NEDD9: variants seen among roughly 807,000 people sequenced by gnomAD.
NEDD9 encodes the protein enhancer of filamentation 1.
NEDD9 carries 26 observed loss-of-function variants against 76.6 expected under a neutral mutation model. The ratio of observed to expected loss-of-function variants is 0.34; its 90% confidence interval spans 0.25 to 0.47. The LOEUF is 0.47. Among genes scored for constraint, NEDD9 ranks in the 20% least tolerant of loss-of-function variants. The probability of loss-of-function intolerance (pLI) is 1.00; values close to 1 mark genes in which losing one functional copy is unlikely to be tolerated. For synonymous variants in NEDD9, 392 were observed against 414.2 expected, an observed-to-expected ratio of 0.95 and a Z score of 0.65; for missense variants, 937 against 1,058.5, an observed-to-expected ratio of 0.89 and a Z score of 1.59.
intron 2 of NEDD9, chr6:11,207,511 A>T (rs879610091): frequency 6.6e-6 from 1 of 152,220 alleles, no homozygotes; most frequent in Non-Finnish European, 1.5e-5. Flanking sequence ...TCCTGCCAAC[A>T]TTTGGCCGTG....
At chr6:11,258,097 C>A (rs138710887) in intron 3 of NEDD9, among the ~76,000 whole-genome samples, 5,697 of 152,320 alleles carry the variant, frequency 0.037, 162 homozygotes, top group Non-Finnish European at 0.055. Context: ...CAATTATGGA[C>A]TCTTTTCTAA....
At chr6:11,319,535 C>T (rs1761701616) in intron 2 of NEDD9, among the ~76,000 whole-genome samples, 1 of 120,282 alleles carries the variant, frequency 8.3e-6, no homozygotes, top group Non-Finnish European at 1.8e-5. Context: ...CTCACACTAA[C>T]ATGCGGACAC....
intron 3 of NEDD9, among the ~76,000 whole-genome samples, chr6:11,301,591 T>C (rs1032658546): frequency 6.6e-6 from 1 of 152,204 alleles, no homozygotes; most frequent in Non-Finnish European, 1.5e-5. Flanking sequence ...ATTGCACTTA[T>C]TCTAAAATTG....
Position 11,253,869 on chromosome 6 carries a change from G to C in NEDD9, c.13-40142C>G, listed in dbSNP as rs148202906. ...AGGCAGACAAACAAGGATACAGTGA[G>C]AAGGAGTTGCACACGTCTGGTCATT... On this transcript the variant is annotated intron_variant, in intron 3 of 3. Coordinates refer to the NEDD9 transcript ENST00000397378. Among the ~76,000 whole-genome samples, 479 of 152,278 alleles carry C rather than the reference G, an allele frequency of 3.1e-3. 2 individuals are homozygous for C. The highest frequency in any genetic ancestry group is 0.02 in the Middle Eastern group (6 of 294).
intron 1 of NEDD9, among the ~76,000 whole-genome samples, chr6:11,365,586 A>C (rs776177199): frequency 1.3e-4 from 20 of 152,230 alleles, no homozygotes; most frequent in Non-Finnish European, 2.4e-4. Context: ...ACAAGACCAA[A>C]TCCTTCCCTG....
intron 1 of NEDD9, among the ~76,000 whole-genome samples, chr6:11,353,475 G>C (rs1039641870): frequency 4.6e-5 from 7 of 152,226 alleles, no homozygotes; most frequent in African/African-American, 1.4e-4. Flanking sequence ...GCTGCTGGAA[G>C]CTGAAAGAGG....
intron 2 of NEDD9, among the ~76,000 whole-genome samples, chr6:11,326,678 G>C (rs1761935898): frequency 6.6e-6 from 1 of 152,154 alleles, no homozygotes; most frequent in African/African-American, 2.4e-5. Flanking sequence ...TGCCCCTCCT[G>C]GCCTTTGTCA....
At chr6:11,272,088 G>A (rs1348643829) in intron 3 of NEDD9, among the ~76,000 whole-genome samples, 1 of 152,116 alleles carries the variant, frequency 6.6e-6, no homozygotes, top group Non-Finnish European at 1.5e-5. Flanking sequence ...CAGAACTCGT[G>A]TGCCAACTCA....
chr6:11,380,300 A>G (rs766509455), intron 1 of NEDD9, among the ~76,000 whole-genome samples: 1 of 152,242 alleles, frequency 6.6e-6, no homozygotes, highest in Non-Finnish European at 1.5e-5. Context: ...ATGTAGTTTA[A>G]GAAATGATCC....
At chr6:11,334,327 T>A (rs1026479843) in intron 2 of NEDD9, among the ~76,000 whole-genome samples, 7 of 152,234 alleles carry the variant, frequency 4.6e-5, no homozygotes, top group Non-Finnish European at 1.0e-4. Context: ...TAATCCAAAA[T>A]TTTTTACAGT....
chr6:11,319,365 A>G (rs1467768780), intron 2 of NEDD9, among the ~76,000 whole-genome samples: 1 of 151,384 alleles, frequency 6.6e-6, no homozygotes, highest in African/African-American at 2.4e-5. Flanking sequence ...TCACATGCAC[A>G]CTAACATACA....
chr6:11,218,184 T>C (rs1478524320), intron 1 of NEDD9, among the ~76,000 whole-genome samples: 1 of 152,176 alleles, frequency 6.6e-6, no homozygotes, highest in Non-Finnish European at 1.5e-5. Context: ...TAAAAGCAAG[T>C]GCAAACACCT....
intron 1 of NEDD9, among the ~76,000 whole-genome samples, chr6:11,380,255 C>A (rs1280806214): frequency 6.6e-6 from 1 of 152,092 alleles, no homozygotes; most frequent in Non-Finnish European, 1.5e-5. Context: ...GCTTGGGTTC[C>A]CCCAGAAGTA....
chr6:11,363,227 A>G (rs1762708011), intron 1 of NEDD9, among the ~76,000 whole-genome samples: 1 of 152,170 alleles, frequency 6.6e-6, no homozygotes, highest in Admixed American at 6.5e-5. Context: ...AGACCAGAAA[A>G]CCTGGTGAAA....
chr6:11,275,844 T>C (rs996870082), intron 3 of NEDD9, among the ~76,000 whole-genome samples: 1 of 152,206 alleles, frequency 6.6e-6, no homozygotes, highest in Non-Finnish European at 1.5e-5. Context: ...GTGACACATC[T>C]ACTCAAACTG....
chr6:11,206,568 A>G (rs562187682), intron 2 of NEDD9, among the ~76,000 whole-genome samples: 1 of 152,358 alleles, frequency 6.6e-6, no homozygotes, highest in Non-Finnish European at 1.5e-5. Context: ...TCTGATAAGC[A>G]CAGTCATTTA....
intron 3 of NEDD9, among the ~76,000 whole-genome samples, chr6:11,295,412 C>G (rs1171643320): frequency 6.6e-6 from 1 of 152,196 alleles, no homozygotes; most frequent in Non-Finnish European, 1.5e-5. Flanking sequence ...AGTCCTTCCA[C>G]TCACTTGAGG....
intron 1 of NEDD9, among the ~76,000 whole-genome samples, chr6:11,228,066 G>C (rs4713284): frequency 0.64 from 93,687 of 146,522 alleles, 31,254 homozygotes; most frequent in African/African-American, 0.81. Flanking sequence ...ATCTGTGTGT[G>C]GGAGGCAAGG....
intron 2 of NEDD9, among the ~76,000 whole-genome samples, chr6:11,319,541 G>GACAC (rs373121806): frequency 3.6e-5 from 3 of 83,548 alleles, no homozygotes; most frequent in Admixed American, 3.0e-4. Context: ...CTAACATGCG[G>GACAC]ACACACACTA....
Sources: allele counts gnomAD v4.1 joint callset (sites outside exome capture counted in the v4.1 genomes callset), GRCh38; gene constraint gnomAD v4.1.1; transcripts MANE v1.5; gene names NCBI Gene and HGNC (gene_info 2026-07-23, HGNC 2026-07-21).